SYT16: variants seen among roughly 807,000 people sequenced by gnomAD.
SYT16 encodes the protein synaptotagmin 16.
SYT16 carries 42 observed loss-of-function variants against 61.4 expected under a neutral mutation model. The observed-to-expected ratio is 0.68, with a 90% CI of 0.53 to 0.89. SYT16 has a LOEUF of 0.89. Among genes scored for constraint, SYT16 ranks in the 40% least tolerant of loss-of-function variants. SYT16 has a pLI of 0.00. For missense variants in SYT16, 804 were observed against 807.3 expected, an observed-to-expected ratio of 1.00 and a Z score of 0.05; for synonymous variants, 314 against 302.3, an observed-to-expected ratio of 1.04 and a Z score of -0.40.
At chr14:62,069,988 C>T (rs1332485316) in intron 4 of SYT16, among the ~76,000 whole-genome samples, 173 bp downstream of exon 4, 1 of 152,182 alleles carries the variant, frequency 6.6e-6, no homozygotes, top group Non-Finnish European at 1.5e-5. Flanking sequence ...AGGGGACTGC[C>T]ATGCAGGAGG....
At chr14:62,089,873 G>T (rs1566839693) in intron 7 of SYT16, among the ~76,000 whole-genome samples, 2 of 152,196 alleles carry the variant, frequency 1.3e-5, no homozygotes, top group Admixed American at 6.5e-5. Context: ...ATTTACAAAT[G>T]CTTTTGGAAA....
At chr14:62,032,599 A>G (rs1016137013) in intron 3 of SYT16, among the ~76,000 whole-genome samples, 4 of 152,102 alleles carry the variant, frequency 2.6e-5, no homozygotes, top group Non-Finnish European at 4.4e-5. Flanking sequence ...CTGAATAATG[A>G]CAATGATATT....
At chr14:61,862,508 A>G (rs1412006617) in intron 1 of SYT16, among the ~76,000 whole-genome samples, 1 of 152,220 alleles carries the variant, frequency 6.6e-6, no homozygotes, top group Non-Finnish European at 1.5e-5. Context: ...CTAAAATTGA[A>G]GGGGAGGTGC....
At chr14:61,969,429 A>C (rs1304910291) in intron 1 of SYT16, among the ~76,000 whole-genome samples, 6 of 152,198 alleles carry the variant, frequency 3.9e-5, no homozygotes, top group Non-Finnish European at 8.8e-5. Context: ...ACTGGGTAGT[A>C]CTTAGGCAGG....
intron 1 of SYT16, among the ~76,000 whole-genome samples, chr14:61,885,322 T>A (rs217688): frequency 0.93 from 140,949 of 152,160 alleles, 65,381 homozygotes; most frequent in South Asian, 0.98. Flanking sequence ...ATTACCTCCC[T>A]TGGCCATGGA....
intron 2 of SYT16, among the ~76,000 whole-genome samples, chr14:61,978,661 T>A (rs148860004): frequency 7.9e-5 from 12 of 152,320 alleles, no homozygotes; most frequent in African/African-American, 2.9e-4. Context: ...TAAGTTCCCC[T>A]TTTAAGTCAG....
At chr14:61,912,806 A>T (rs1015274210) in intron 1 of SYT16, among the ~76,000 whole-genome samples, 1 of 152,220 alleles carries the variant, frequency 6.6e-6, no homozygotes, top group African/African-American at 2.4e-5. Flanking sequence ...AAAGATAAAG[A>T]TGATTTAGTC....
chr14:61,851,053 C>T (rs896396445), intron 1 of SYT16, among the ~76,000 whole-genome samples: 1 of 152,132 alleles, frequency 6.6e-6, no homozygotes, highest in Non-Finnish European at 1.5e-5. Context: ...CTGATGCTCT[C>T]CCTCCTCCCA....
intron 3 of SYT16, 95 bp downstream of exon 3, chr14:61,996,637 T>C (rs2052783883): frequency 6.9e-7 from 1 of 1,445,986 alleles, no homozygotes; most frequent in Non-Finnish European, 9.2e-7. Context: ...GTGGATTTTA[T>C]TTTTCTCTCT....
chr14:62,055,276 A>G (rs1172746782), intron 3 of SYT16, among the ~76,000 whole-genome samples: 4 of 152,226 alleles, frequency 2.6e-5, no homozygotes, highest in Admixed American at 2.6e-4. Context: ...ATTCCCTTAT[A>G]GGAGGCATAC....
At chr14:61,876,208 G>T (rs113639877) in intron 1 of SYT16, among the ~76,000 whole-genome samples, 2,684 of 152,162 alleles carry the variant, frequency 0.018, 31 homozygotes, top group Middle Eastern at 0.037. Flanking sequence ...TTTGCTTTTT[G>T]GTTAAAAATG....
chr14:62,005,841 CTTGT>C (rs1249701534), intron 3 of SYT16, among the ~76,000 whole-genome samples: 1 of 152,124 alleles, frequency 6.6e-6, no homozygotes, highest in Non-Finnish European at 1.5e-5. Context: ...GCCTATATCA[CTTGT>C]TTATTTGTTC....
intron 3 of SYT16, among the ~76,000 whole-genome samples, chr14:62,049,861 C>A (rs1238564022): frequency 1.3e-5 from 2 of 152,168 alleles, no homozygotes; most frequent in African/African-American, 4.8e-5. Context: ...TGATGGGCTT[C>A]CCTTTGTGGG....
At chr14:62,055,782 G>T (rs2055527364) in intron 3 of SYT16, among the ~76,000 whole-genome samples, 1 of 152,156 alleles carries the variant, frequency 6.6e-6, no homozygotes. Flanking sequence ...ATATATAAAG[G>T]GGAGTTTATT....
At chr14:61,818,691 A>AC (rs1555344020) in intron 1 of SYT16, among the ~76,000 whole-genome samples, 2 of 152,014 alleles carry the variant, frequency 1.3e-5, no homozygotes, top group African/African-American at 2.4e-5. Flanking sequence ...AAAAAAAAAA[A>AC]AAAACAGCAT....
At chr14:61,832,109 C>T in intron 1 of SYT16, 1 of 729,956 alleles carries the variant, frequency 1.4e-6, no homozygotes, top group Non-Finnish European at 2.6e-6. Flanking sequence ...CAAAGCTCTC[C>T]TTGAACTGAA....
At chr14:61,965,123 A>G (rs550987875) in intron 1 of SYT16, among the ~76,000 whole-genome samples, 117 of 152,252 alleles carry the variant, frequency 7.7e-4, no homozygotes, top group African/African-American at 1.0e-3. Context: ...TGCATTTTCA[A>G]TTCTCTTGGG....
At chr14:61,897,133 C>T (rs2048352090) in intron 1 of SYT16, 1 of 152,172 alleles carries the variant, frequency 6.6e-6, no homozygotes, top group African/African-American at 2.4e-5. Context: ...GGAACACAAC[C>T]ATGCTTACTT....
Position 62,004,164 on chromosome 14 carries a change from G to C in SYT16, c.523+7622G>C, listed in dbSNP as rs575110839. On this transcript the variant is annotated intron_variant, in intron 3 of 7. Transcript: ENST00000683842. ...ATTGATTCATAGTTCTGCATGGCTG[G>C]GGAGGCCTGAAGAAACTTACAATTA... Among the ~76,000 whole-genome samples the C allele has an allele frequency of 2.0e-5, 3 of 152,248 alleles. No homozygotes were observed. In the East Asian group the frequency reaches 5.8e-4, roughly 29 times the overall value.
Sources: gnomAD v4.1 joint callset for allele counts (sites outside exome capture counted in the v4.1 genomes callset) on GRCh38, gnomAD v4.1.1 for gene constraint, MANE v1.5 for transcripts, NCBI Gene and HGNC (gene_info 2026-07-23, HGNC 2026-07-21) for gene names.